Variants in LRRC71 observed in about 807,000 individuals in gnomAD.
LRRC71 encodes the protein leucine-rich repeat-containing protein 71.
In LRRC71, 54 loss-of-function variants were observed where a neutral mutation model predicts 66.6. That is an observed-to-expected ratio of 0.81 (90% CI 0.65 to 1.02). The LOEUF is 1.02. LRRC71 is among the 50% of genes least tolerant of loss of function. The pLI is 0.00. For missense variants in LRRC71, 724 were observed against 718.0 expected (o/e 1.01, Z -0.10); for synonymous variants, 323 against 303.9 (o/e 1.06, Z -0.65).
the LRRC71 span, chr1:156,939,479 C>A: frequency 6.3e-7 from 1 of 1,595,338 alleles, no homozygotes; most frequent in Non-Finnish European, 8.5e-7. Context: ...AAGGAAGCAG[C>A]TGTTCGGAAG....
At position 156,932,926 on chromosome 1, in the gene LRRC71, A is replaced by T. The variant is rs746573089; in HGVS notation, c.1637A>T (p.Lys546Met). The T allele has an allele frequency of 9.4e-6, 15 of 1,600,390 alleles. No individual in the cohort carries two copies. In the South Asian group the frequency reaches 1.7e-4, roughly 18 times the overall value. ...CTGATGTTGCCAAGGGATCCCATCA[A>T]GGCCAAACTCAGGGAGGATGAGGCC... The part of the protein sequence containing the change: ...QELMLPRDPI[K>M]AKLREDEAMA... Residue 546 changes from lysine to methionine, a missense_variant, in exon 15 of 15, where the codon AAG (lysine) becomes ATG (methionine). By Grantham distance (95) the Lys-to-Met change is moderately conservative. Coordinates refer to ENST00000337428, the MANE Select transcript of LRRC71 (RefSeq NM_144702.3).
At chr1:156,936,494 A>AT (rs1557807007), downstream of LRRC71, among the ~76,000 whole-genome samples, 2,423 of 89,150 alleles carry the variant, frequency 0.027, 10 homozygotes, top group Non-Finnish European at 0.036. Flanking sequence ...AAAAAAAAAA[A>AT]AAAATATATA....
chr1:156,923,161 A>G (rs1417347297), intron 1 of LRRC71, among the ~76,000 whole-genome samples: 1 of 152,150 alleles, frequency 6.6e-6, no homozygotes, highest in Non-Finnish European at 1.5e-5. Flanking sequence ...CCCTCCTGGC[A>G]CAGCTCCTGC....
At position 156,920,997 on chromosome 1, in the gene LRRC71, C is replaced by T. The variant is rs747076134; in HGVS notation, c.160+34C>T. 5 of 1,471,648 alleles carry T rather than the reference C, an allele frequency of 3.4e-6. No homozygotes were observed. The South Asian group carries it at 6.9e-5, about 20-fold the overall frequency. 91.2% of individuals were successfully genotyped at this position (1,471,648 alleles called of 1,614,324 possible). A position where few individuals can be genotyped will look rare whatever the true frequency, so the allele number is the denominator to read the frequency against. ...GCGCCGGGGTTTGGGGATCGGGCTT[C>T]CAGGCTGCGTCTTCCCGGGTTCCCA... On this transcript the variant is annotated intron_variant, in intron 1 of 14. Coordinates refer to ENST00000337428, the MANE Select transcript of LRRC71 (RefSeq NM_144702.3). This position sits in a 1 kb window ranked among gnomAD's most constrained non-coding sequence, Gnocchi z 4.9.
chr1:156,939,735 G>A, the LRRC71 span: 3 of 1,614,122 alleles, frequency 1.9e-6, no homozygotes, highest in Non-Finnish European at 1.7e-6. Context: ...GCTGGGTGTT[G>A]TCCCCTTCAC....
At chr1:156,937,311 T>C (rs767043672), downstream of LRRC71, 124 of 1,613,818 alleles carry the variant, frequency 7.7e-5, no homozygotes, top group Non-Finnish European at 1.0e-4. Context: ...CCCACGTCCC[T>C]GAGGGCCAGG....
At chr1:156,930,072 C>CTTTTTCTTTCTTTCTTTCT in intron 11 of LRRC71, among the ~76,000 whole-genome samples, 1 of 115,296 alleles carries the variant, frequency 8.7e-6, no homozygotes, top group African/African-American at 3.5e-5. Flanking sequence ...TTCTTTCTTT[C>CTTTTTCTTTCTTTCTTTCT]TTTCTTTTCT....
chr1:156,927,148 C>A, intron 5 of LRRC71, 54 bp from the exon 6 acceptor site: 1 of 1,517,996 alleles, frequency 6.6e-7, no homozygotes, highest in Non-Finnish European at 9.0e-7. Context: ...CTGTTCCCTT[C>A]CCTTACCTGG....
At chr1:156,939,797 C>T in the LRRC71 span, 55 of 1,613,658 alleles carry the variant, frequency 3.4e-5, no homozygotes, top group African/African-American at 1.9e-4. Flanking sequence ...TGAGAGGTGA[C>T]GCTGATGACA....
At chr1:156,928,368 C>CTTCTTCTTCTTCTTCTTCTTCTTCTTCT in intron 9 of LRRC71, among the ~76,000 whole-genome samples, 1 of 93,276 alleles carries the variant, frequency 1.1e-5, no homozygotes, top group East Asian at 2.8e-4. Context: ...TCTTCCTCTT[C>CTTCTTCTTCTTCTTCTTCTTCTTCTTCT]TTCTTCTTCT....
chr1:156,938,827 G>A, the LRRC71 span: 1 of 368,350 alleles, frequency 2.7e-6, no homozygotes, highest in Non-Finnish European at 4.9e-6. Flanking sequence ...AGGCCCACTA[G>A]CGTGGAACCC....
rs891629915 is a variant in LRRC71, at chr1:156,924,557, G to GC, written c.439+9dup. ...TGAAGGAAATCTACATCCGCGGTGAGCCCCGCTCCCCCCACCCGCCCCAGC... is the reference window on the plus strand; with the variant it reads ...TGAAGGAAATCTACATCCGCGGTGAGCCCCCGCTCCCCCCACCCGCCCCAGC... On this transcript the variant is annotated splice_donor_region_variant and intron_variant, in intron 3 of 14. Transcript: ENST00000337428. The GC allele has an allele frequency of 7.7e-6, 12 of 1,551,386 alleles. No homozygotes were observed. The highest frequency in any genetic ancestry group is 1.0e-5 in the Non-Finnish European group (12 of 1,146,952).
downstream of LRRC71, chr1:156,937,464 G>A (rs367893154): frequency 5.2e-6 from 8 of 1,536,258 alleles, no homozygotes; most frequent in African/African-American, 5.6e-5. Context: ...GAGTCCGGGG[G>A]TCCTGATGGC....
chr1:156,937,279 C>T (rs1377887998), downstream of LRRC71: 4 of 1,613,838 alleles, frequency 2.5e-6, no homozygotes, highest in Non-Finnish European at 8.5e-7. Flanking sequence ...GAGTGAGCTG[C>T]TCAATGGTAT....
At chr1:156,932,586 C>T (rs766463106) in intron 14 of LRRC71, 41 bp downstream of exon 14, 1 of 1,613,804 alleles carries the variant, frequency 6.2e-7, no homozygotes, top group African/African-American at 1.3e-5. Flanking sequence ...CAGACGTTGC[C>T]CCTATCAGCT....
intron 9 of LRRC71, among the ~76,000 whole-genome samples, chr1:156,928,559 CTTACTTTTT>C (rs1484568281): frequency 8.4e-6 from 1 of 118,542 alleles, no homozygotes; most frequent in African/African-American, 3.4e-5. Context: ...CTTTCTTCTT[CTTACTTTTT>C]TTTTTTTTTT....
intron 13 of LRRC71, 178 bp downstream of exon 13, chr1:156,932,205 G>A: frequency 1.5e-6 from 1 of 668,462 alleles, no homozygotes; most frequent in South Asian, 1.9e-5. Context: ...GAGTCTGGGA[G>A]GAGGCTGAGG....
chr1:156,940,984 C>T, the LRRC71 span, among the ~76,000 whole-genome samples: 1 of 152,176 alleles, frequency 6.6e-6, no homozygotes. Flanking sequence ...GCATCTTAAG[C>T]CCTTTGAGCT....
At position 156,929,311 on chromosome 1, in the gene LRRC71, C is replaced by T. The variant is rs748660002; in HGVS notation, c.1028C>T (p.Thr343Met). The change falls in exon 10 of 15, where the codon ACG (threonine) becomes ATG (methionine). Residue 343 changes from threonine (T) to methionine (M), a missense_variant. Coordinates refer to ENST00000337428, the MANE Select transcript of LRRC71 (RefSeq NM_144702.3). ...PSSSRHGDSK[T>M]DREKSQMVGI... ...TCCTCTCGACACGGGGACTCCAAAACGGACCGTGAGAAGAGTCAGATGGTA... is the reference window on the plus strand; with the variant it reads ...TCCTCTCGACACGGGGACTCCAAAATGGACCGTGAGAAGAGTCAGATGGTA... 2.0e-5 allele frequency: 32 copies of T among 1,609,938 alleles called. No individual in the cohort carries two copies. The highest frequency in any genetic ancestry group is 5.5e-5 in the South Asian group (5 of 90,236).
Sources: gnomAD v4.1 joint callset for allele counts (sites outside exome capture counted in the v4.1 genomes callset) on GRCh38, gnomAD v4.1.1 for gene constraint, Gnocchi (gnomAD v3.1) non-coding constraint, MANE v1.5 for transcripts, NCBI Gene and HGNC (gene_info 2026-07-23, HGNC 2026-07-21) for gene names.